REEP3: variants seen among roughly 807,000 people sequenced by gnomAD.
REEP3 encodes the protein receptor expression-enhancing protein 3.
Under a neutral mutation model 41.3 loss-of-function variants are expected in REEP3, and 20 were observed. The observed-to-expected ratio is 0.48, with a 90% CI of 0.34 to 0.70. The LOEUF (loss-of-function observed/expected upper bound fraction) is 0.70. REEP3 is among the 30% of genes least tolerant of loss of function. The pLI is 0.01. For synonymous variants in REEP3, 104 were observed against 101.8 expected (o/e 1.02, Z -0.13); for missense variants, 271 against 308.8 (o/e 0.88, Z 0.92).
At chr10:63,619,994 G>C (rs1268601236) in intron 7 of REEP3, among the ~76,000 whole-genome samples, 194 bp downstream of exon 7, 2 of 144,354 alleles carry the variant, frequency 1.4e-5, no homozygotes, top group Admixed American at 7.1e-5. Flanking sequence ...TTGGAGTGCA[G>C]TGTGGCGTAA....
intron 2 of REEP3, among the ~76,000 whole-genome samples, chr10:63,578,113 A>G (rs189994661): frequency 6.6e-6 from 1 of 152,154 alleles, no homozygotes; most frequent in East Asian, 1.9e-4. Flanking sequence ...GTATTTATTT[A>G]TTTAAAGTCG....
chr10:63,610,252 T>G lies in REEP3; in HGVS notation c.483T>G (p.Gly161=). The G allele has an allele frequency of 6.3e-7, 1 of 1,599,844 alleles. No homozygotes were observed. The highest frequency in any genetic ancestry group is 8.5e-7 in the Non-Finnish European group (1 of 1,172,242). The change falls in exon 6 of 8, where the codon GGT becomes GGG. Residue 161 remains glycine, a synonymous_variant. Transcript: ENST00000373758. ...FSMHDLTTIQ[G]DEPVGQRPYQ... The stretch of plus-strand genomic sequence containing the variant: ...TGCATGATTTAACAACTATCCAAGG[T>G]GATGAGCCTGTGGGACAAAGACCAT...
Position 63,621,108 on chromosome 10 carries a change from T to C in REEP3, c.*239T>C. On this transcript the variant is annotated 3_prime_UTR_variant, in exon 8 of 8. Transcript: ENST00000373758. The stretch of plus-strand genomic sequence containing the variant: ...GTATATTAGAAATTATAGAAAATCA[T>C]GTTGTCCGTTTTCAAATTCATCAAC... The C allele has an allele frequency of 5.8e-6, 2 of 347,338 alleles. No homozygotes were observed. The highest frequency in any genetic ancestry group is 1.1e-5 in the Non-Finnish European group (2 of 189,840). The allele number at this position is 347,338 out of a possible 1,614,324, so 21.5% of individuals were successfully genotyped here.
At chr10:63,570,371 C>T (rs949219182) in intron 2 of REEP3, among the ~76,000 whole-genome samples, 6 of 152,188 alleles carry the variant, frequency 3.9e-5, no homozygotes, top group Non-Finnish European at 7.3e-5. Flanking sequence ...CAGTTGTTTT[C>T]AGAGAATACT....
chr10:63,552,248 CA>C (rs11455257), intron 1 of REEP3, among the ~76,000 whole-genome samples: 86 of 143,698 alleles, frequency 6.0e-4, no homozygotes, highest in Middle Eastern at 3.5e-3. Flanking sequence ...ACTAAAAATA[CA>C]AAAAAAAAAA....
In REEP3 at chr10:63,623,844, T is replaced by A. The variant is rs1161221004; in HGVS notation, c.*2975T>A. On this transcript the variant is annotated 3_prime_UTR_variant, in exon 8 of 8. Coordinates refer to ENST00000373758, the MANE Select transcript of REEP3 (RefSeq NM_001001330.3). The stretch of plus-strand genomic sequence containing the variant: ...TGCCAAAATTACTGATTATAAATAC[T>A]TGACTACACTGATTGATGGGACAAA... The A allele has an allele frequency of 6.5e-6, 1 of 153,260 alleles. No homozygotes were observed. The highest frequency in any genetic ancestry group is 6.6e-5 in the Admixed American group (1 of 15,072). The allele number at this position is 153,260 out of a possible 1,614,324, so 9.5% of individuals were successfully genotyped here. A position where few individuals can be genotyped will look rare whatever the true frequency, so the allele number is the denominator to read the frequency against.
At chr10:63,611,253 A>G (rs541148105) in intron 6 of REEP3, among the ~76,000 whole-genome samples, 3 of 152,244 alleles carry the variant, frequency 2.0e-5, no homozygotes, top group East Asian at 3.9e-4. Context: ...GTGCACTGAC[A>G]TCTAAGAAGT....
At chr10:63,556,904 G>A (rs948153063) in intron 1 of REEP3, among the ~76,000 whole-genome samples, 1 of 151,848 alleles carries the variant, frequency 6.6e-6, no homozygotes, top group African/African-American at 2.4e-5. Flanking sequence ...CAAAGTGCTG[G>A]GATTACAGGC....
At chr10:63,534,030 A>G (rs996103116) in intron 1 of REEP3, among the ~76,000 whole-genome samples, 3 of 152,110 alleles carry the variant, frequency 2.0e-5, no homozygotes, top group African/African-American at 7.2e-5. Context: ...AATCTTAAAG[A>G]ACCTGAAAAT....
chr10:63,598,536 G>A (rs541882269), intron 4 of REEP3, among the ~76,000 whole-genome samples: 15 of 142,290 alleles, frequency 1.1e-4, no homozygotes, highest in East Asian at 2.1e-4. Context: ...TGTAATCCCA[G>A]CACTTTGGGA....
chr10:63,573,372 T>C (rs1315594062), intron 2 of REEP3, among the ~76,000 whole-genome samples: 3 of 152,224 alleles, frequency 2.0e-5, no homozygotes, highest in Admixed American at 1.3e-4. Context: ...GCTCATTCCA[T>C]CTCATGACTT....
intron 1 of REEP3, among the ~76,000 whole-genome samples, chr10:63,546,192 G>T (rs1379392754): frequency 6.6e-6 from 1 of 152,182 alleles, no homozygotes; most frequent in South Asian, 2.1e-4. Flanking sequence ...GATATTATCA[G>T]ATTTTGTGTT....
Position 63,605,763 on chromosome 10 carries a change from T to C in REEP3, c.418-4424T>C, listed in dbSNP as rs191037171. On this transcript the variant is annotated intron_variant, in intron 5 of 7. Coordinates refer to ENST00000373758, the MANE Select transcript of REEP3 (RefSeq NM_001001330.3). Reference sequence around the variant, plus strand: ...CCAACCACGTGCTTGGATACTTGAGTAGACATTCAGATGTCCTAGTGCCCT... The same window carrying C: ...CCAACCACGTGCTTGGATACTTGAGCAGACATTCAGATGTCCTAGTGCCCT... Among the ~76,000 whole-genome samples, 4 of 152,248 alleles carry C rather than the reference T, an allele frequency of 2.6e-5. No homozygotes were observed. In the East Asian group the frequency reaches 7.7e-4, roughly 29 times the overall value.
intron 2 of REEP3, among the ~76,000 whole-genome samples, chr10:63,585,821 C>T (rs1018578967): frequency 1.3e-5 from 2 of 152,134 alleles, no homozygotes; most frequent in Admixed American, 6.5e-5. Flanking sequence ...TATAAATCTA[C>T]AGCAGTGTAC....
chr10:63,598,753 C>T (rs970980459), intron 4 of REEP3, among the ~76,000 whole-genome samples: 3 of 143,918 alleles, frequency 2.1e-5, no homozygotes, highest in Non-Finnish European at 3.0e-5. Flanking sequence ...AACTGCACTC[C>T]AGCCTGGACA....
intron 1 of REEP3, among the ~76,000 whole-genome samples, chr10:63,550,413 T>A (rs1955617711): frequency 6.6e-6 from 1 of 152,226 alleles, no homozygotes; most frequent in African/African-American, 2.4e-5. Context: ...CTAGATGGCT[T>A]ACTATGGGAT....
intron 5 of REEP3, chr10:63,599,542 A>T (rs1256022305): frequency 3.0e-6 from 1 of 333,562 alleles, no homozygotes. Flanking sequence ...TAATTTTCCC[A>T]CTTAATCACC....
intron 1 of REEP3, among the ~76,000 whole-genome samples, chr10:63,545,215 CAT>C (rs1955565796): frequency 6.6e-6 from 1 of 152,108 alleles, no homozygotes. Context: ...ATACATATAA[CAT>C]ACAGTGAACA....
chr10:63,531,721 G>A (rs918918565), intron 1 of REEP3, among the ~76,000 whole-genome samples: 2 of 152,014 alleles, frequency 1.3e-5, no homozygotes, highest in Non-Finnish European at 2.9e-5. Flanking sequence ...GATCCTTTAC[G>A]AGATATAGTC....
Sources: gnomAD v4.1 joint callset for allele counts (sites outside exome capture counted in the v4.1 genomes callset) on GRCh38, gnomAD v4.1.1 for gene constraint, MANE v1.5 for transcripts, NCBI Gene and HGNC (gene_info 2026-07-23, HGNC 2026-07-21) for gene names.